Variants in SCML2 observed in about 807,000 individuals in gnomAD.
The protein encoded by SCML2 is sex comb on midleg-like protein 2.
SCML2 carries 6 observed loss-of-function variants against 48.4 expected under a neutral mutation model. The observed-to-expected ratio is 0.12, with a 90% CI of 0.07 to 0.24. The LOEUF (loss-of-function observed/expected upper bound fraction) is 0.24, where lower values mean the gene tolerates loss of function less well. SCML2 is among the 10% of genes least tolerant of loss of function. The pLI, the probability that SCML2 is intolerant of heterozygous loss-of-function variation, is 1.00. For synonymous variants in SCML2, 181 were observed against 189.5 expected, an observed-to-expected ratio of 0.95 and a Z score of 0.37; for missense variants, 377 against 528.2, an observed-to-expected ratio of 0.71 and a Z score of 2.81.
intron 1 of SCML2, among the ~76,000 whole-genome samples, chrX:18,339,609 G>C (rs775869537): frequency 3.6e-5 from 4 of 111,572 alleles, no homozygotes; most frequent in Non-Finnish European, 7.5e-5. Flanking sequence ...AGCTACCTGG[G>C]AGGCTGAGGA....
chrX:18,344,859 G>A (rs1930148694), intron 1 of SCML2, among the ~76,000 whole-genome samples: 1 of 111,142 alleles, frequency 9.0e-6, no homozygotes, highest in African/African-American at 3.3e-5. Flanking sequence ...GGATCCATGA[G>A]GGCAGGAGAA....
chrX:18,242,597 T>TG lies in SCML2; in HGVS notation c.1823-8dup, dbSNP rs749773517. 3.5e-5 allele frequency: 42 copies of TG among 1,197,829 alleles called. No homozygotes were observed. In the Middle Eastern group the frequency reaches 3.0e-3, roughly 86 times the overall value. ...ACAGCTATATAACTTGGAGCTTCAA[T>TG]GGGGGGGAAAAAAGACAAATCATAC... On this transcript the variant is annotated splice_region_variant and splice_polypyrimidine_tract_variant and intron_variant, in intron 13 of 14. Transcript: ENST00000251900.
At chrX:18,287,640 TA>T (rs1928100807) in intron 7 of SCML2, among the ~76,000 whole-genome samples, 1 of 111,866 alleles carries the variant, frequency 8.9e-6, no homozygotes, top group Admixed American at 9.5e-5. Context: ...AATGCCATTT[TA>T]AGTTGGCATA....
chrX:18,349,860 T>C (rs1422674667), intron 1 of SCML2, among the ~76,000 whole-genome samples: 1 of 111,990 alleles, frequency 8.9e-6, no homozygotes, highest in Non-Finnish European at 1.9e-5. Context: ...ACCCTAGAAA[T>C]AGACAACATA....
intron 1 of SCML2, among the ~76,000 whole-genome samples, chrX:18,336,716 G>A (rs182621841): frequency 3.6e-4 from 40 of 110,143 alleles, no homozygotes; most frequent in Admixed American, 3.2e-3. Flanking sequence ...CAGCCTGGGC[G>A]ACAGAGCGAG....
intron 8 of SCML2, among the ~76,000 whole-genome samples, chrX:18,264,759 T>C (rs1177438647): frequency 9.0e-6 from 1 of 111,527 alleles, no homozygotes. Context: ...ATTCTGATCT[T>C]GGGCCTAATT....
chrX:18,334,238 A>T (rs939050811), intron 1 of SCML2, 143 bp from the exon 2 acceptor site: 31 of 400,331 alleles, frequency 7.7e-5, no homozygotes, highest in Non-Finnish European at 1.3e-4. Flanking sequence ...GTTGCCTGGG[A>T]ATGGAGGAAG....
chrX:18,322,808 C>T (rs1306302609), intron 5 of SCML2, among the ~76,000 whole-genome samples: 3 of 110,409 alleles, frequency 2.7e-5, no homozygotes, highest in Non-Finnish European at 5.7e-5. Flanking sequence ...GCAGGAGAAT[C>T]GCTTGAAACC....
chrX:18,259,960 T>C (rs758236514), intron 9 of SCML2, among the ~76,000 whole-genome samples: 144 of 112,102 alleles, frequency 1.3e-3, no homozygotes, highest in Non-Finnish European at 2.0e-3. Context: ...ATCTGAATTT[T>C]CAAGTGACTC....
At chrX:18,328,022 G>A in intron 3 of SCML2, among the ~76,000 whole-genome samples, 1 of 111,922 alleles carries the variant, frequency 8.9e-6, no homozygotes, top group Non-Finnish European at 1.9e-5. Flanking sequence ...TATCTCAGAA[G>A]AGAGGCCTGG....
At chrX:18,316,058 AGAT>A (rs1316047940) in intron 6 of SCML2, among the ~76,000 whole-genome samples, 4 of 111,915 alleles carry the variant, frequency 3.6e-5, no homozygotes, top group Non-Finnish European at 7.5e-5. Flanking sequence ...TGAGGATTTA[AGAT>A]GATGATTCTA....
intron 6 of SCML2, among the ~76,000 whole-genome samples, chrX:18,308,288 A>G (rs1364722470): frequency 2.3e-5 from 2 of 87,672 alleles, no homozygotes; most frequent in Non-Finnish European, 4.4e-5. Flanking sequence ...AAAAACAGGA[A>G]GGAAGGAAGG....
intron 8 of SCML2, 42 bp from the exon 9 acceptor site, chrX:18,260,333 C>T (rs1325938819): frequency 2.0e-6 from 2 of 997,149 alleles, no homozygotes; most frequent in South Asian, 2.7e-5. Context: ...ATACAATACT[C>T]ATTAATATAT....
chrX:18,337,751 C>T (rs1002458380), intron 1 of SCML2, among the ~76,000 whole-genome samples: 1 of 111,806 alleles, frequency 8.9e-6, no homozygotes, highest in African/African-American at 3.3e-5. Context: ...AACTCAACAT[C>T]ATCAGTTGGA....
rs1044672723 is a variant in SCML2, at chrX:18,319,602, A to C, written c.486+730T>G. On this transcript the variant is annotated intron_variant, in intron 6 of 14. Coordinates refer to ENST00000251900, the MANE Select transcript of SCML2 (RefSeq NM_006089.3). ...ACAGGTGAGACTCTGTCTCAAAAAA[A>C]AAAAACAAAAAAAAAAAAACCTGCT... Among the ~76,000 whole-genome samples the C allele has an allele frequency of 2.5e-4, 27 of 108,483 alleles. 1 individual carries two copies. Among genetic ancestry groups the C allele is most frequent in the South Asian group, 4.1e-4 (1 of 2,456 alleles). The allele number at this position is 108,483 out of a possible 115,157, so 94.2% of individuals were successfully genotyped here.
intron 7 of SCML2, among the ~76,000 whole-genome samples, chrX:18,299,040 G>C (rs7063807): frequency 0.28 from 30,322 of 110,245 alleles, 3,605 homozygotes; most frequent in African/African-American, 0.45. Context: ...AACAAAAACA[G>C]ACAAGTGGGA....
intron 1 of SCML2, among the ~76,000 whole-genome samples, chrX:18,337,524 C>T (rs1428065009): frequency 9.1e-6 from 1 of 109,739 alleles, no homozygotes; most frequent in Admixed American, 9.9e-5. Flanking sequence ...AGGATAAAGC[C>T]GGGCATTACA....
In SCML2 at chrX:18,248,838, A is replaced by T. The variant is rs144917159; in HGVS notation, c.1457-956T>A. 0.014 allele frequency among the ~76,000 whole-genome samples: 1,520 copies of T among 112,310 alleles called. 50 individuals carry two copies. In the East Asian group the frequency reaches 0.17, roughly 13 times the overall value. ...AAAATATAGTTTTCTATAAATGTTT[A>T]TTTACCTCAGAATCTCGGCAAGATT... On this transcript the variant is annotated intron_variant, in intron 11 of 14. Coordinates refer to ENST00000251900, the MANE Select transcript of SCML2 (RefSeq NM_006089.3).
At chrX:18,296,402 C>T (rs1399548005) in intron 7 of SCML2, among the ~76,000 whole-genome samples, 3 of 107,774 alleles carry the variant, frequency 2.8e-5, no homozygotes, top group South Asian at 4.0e-4. Context: ...TTGAAATAGC[C>T]CCCATCAGAC....
Sources: gnomAD v4.1 joint callset for allele counts (sites outside exome capture counted in the v4.1 genomes callset) on GRCh38, gnomAD v4.1.1 for gene constraint, MANE v1.5 for transcripts, NCBI Gene and HGNC (gene_info 2026-07-23, HGNC 2026-07-21) for gene names.